The following SLC35F1 variants were observed in gnomAD, a reference collection of about 807,000 sequenced individuals.
SLC35F1 encodes the protein chromosome 6 open reading frame 169.
A neutral mutation model predicts 48.7 loss-of-function variants in SLC35F1; 14 were observed. That is an observed-to-expected ratio of 0.29 (90% confidence interval 0.19 to 0.45). SLC35F1 has a LOEUF of 0.45. Ranked by LOEUF, SLC35F1 falls within the 20% of genes least tolerant of loss-of-function variation. SLC35F1 has a pLI of 1.00. For synonymous variants in SLC35F1, 190 were observed against 202.2 expected, an observed-to-expected ratio of 0.94 and a Z score of 0.51; for missense variants, 404 against 500.0, an observed-to-expected ratio of 0.81 and a Z score of 1.83.
chr6:118,003,733 A>T (rs73521510), intron 1 of SLC35F1, among the ~76,000 whole-genome samples: 6,630 of 152,320 alleles, frequency 0.044, 507 homozygotes, highest in African/African-American at 0.15. Context: ...CTAATTTTAT[A>T]TTAATGATTT....
In SLC35F1 at chr6:117,929,492, G is replaced by T. The variant is rs370925769; in HGVS notation, c.173+21593G>T. Among the ~76,000 whole-genome samples the T allele has an allele frequency of 6.0e-4, 72 of 119,208 alleles. 1 individual carries two copies. The South Asian group carries it at 0.011, about 18-fold the overall frequency. The allele number at this position is 119,208 out of a possible 152,430, so 78.2% of individuals were successfully genotyped here. ...GTGTGTGTGTGTGTGTGTGTGTATA[G>T]AGAGAGAGAGACAGAGAGAGAGATT... On this transcript the variant is annotated intron_variant, in intron 1 of 7. Coordinates refer to ENST00000360388, the MANE Select transcript of SLC35F1 (RefSeq NM_001029858.4).
In SLC35F1 at chr6:118,131,759, T is replaced by C. The variant is rs1190107268; in HGVS notation, c.174-22686T>C. Among the ~76,000 whole-genome samples the C allele has an allele frequency of 3.1e-5, 4 of 129,270 alleles. No homozygotes were observed. In the East Asian group the frequency reaches 8.6e-4, roughly 28 times the overall value. The allele number at this position is 129,270 out of a possible 152,430, so 84.8% of individuals were successfully genotyped here. ...TTGCGTTCTGGCATTCAAAGATAGG[T>C]GAATTTACTCCATTATACTAATTAT... is the stretch of plus-strand genomic sequence containing the variant. On this transcript the variant is annotated intron_variant, in intron 1 of 7. Transcript: ENST00000360388.
intron 1 of SLC35F1, among the ~76,000 whole-genome samples, chr6:118,152,875 A>G (rs1374946397): frequency 6.6e-6 from 1 of 152,170 alleles, no homozygotes; most frequent in Non-Finnish European, 1.5e-5. Context: ...TCTGTGGGGA[A>G]CTATTGTAAG....
At chr6:118,309,886 G>T (rs959548548) in intron 7 of SLC35F1, among the ~76,000 whole-genome samples, 1 of 152,104 alleles carries the variant, frequency 6.6e-6, no homozygotes, top group African/African-American at 2.4e-5. Context: ...AAGCCACCTC[G>T]TCCTGTATAA....
At chr6:117,984,475 CAG>C (rs1776823114) in intron 1 of SLC35F1, among the ~76,000 whole-genome samples, 2 of 125,150 alleles carry the variant, frequency 1.6e-5, no homozygotes, top group Admixed American at 2.0e-4. Context: ...CTCTGGGCGA[CAG>C]AGCAAGACTC....
intron 7 of SLC35F1, among the ~76,000 whole-genome samples, chr6:118,286,849 C>T (rs973243443): frequency 6.6e-6 from 1 of 151,610 alleles, no homozygotes; most frequent in Admixed American, 6.6e-5. Flanking sequence ...ACTTCCTTCG[C>T]AAATTTCAAG....
chr6:117,923,716 T>C lies in SLC35F1; in HGVS notation c.173+15817T>C, dbSNP rs1053067572. ...GTACATATACATATATGTACATATA[T>C]ACATATATACATATGTATATATACA... On this transcript the variant is annotated intron_variant, in intron 1 of 7. Transcript: ENST00000360388. 2.2e-4 allele frequency among the ~76,000 whole-genome samples: 24 copies of C among 110,690 alleles called. 9 individuals carry two copies. The highest frequency in any genetic ancestry group is 6.8e-4 in the African/African-American group (18 of 26,392). The allele number at this position is 110,690 out of a possible 152,430, so 72.6% of individuals were successfully genotyped here.
chr6:118,049,484 C>T (rs1021624074), intron 1 of SLC35F1, among the ~76,000 whole-genome samples: 67 of 152,174 alleles, frequency 4.4e-4, no homozygotes, highest in African/African-American at 1.6e-3. Flanking sequence ...GGGCTAATAT[C>T]CAGAATCTAC....
At chr6:118,280,326 T>C (rs1229600289) in intron 6 of SLC35F1, among the ~76,000 whole-genome samples, 2 of 152,190 alleles carry the variant, frequency 1.3e-5, no homozygotes, top group African/African-American at 4.8e-5. Context: ...TGGGTCATAC[T>C]GTGCTAAAGG....
intron 1 of SLC35F1, among the ~76,000 whole-genome samples, chr6:118,130,734 G>T (rs1263913128): frequency 2.0e-5 from 3 of 151,222 alleles, no homozygotes; most frequent in Non-Finnish European, 1.5e-5. Flanking sequence ...CCACTACTTT[G>T]TATGCATGAA....
At chr6:118,115,464 G>A (rs565874727) in intron 1 of SLC35F1, among the ~76,000 whole-genome samples, 48 of 152,266 alleles carry the variant, frequency 3.2e-4, no homozygotes, top group Non-Finnish European at 5.4e-4. Flanking sequence ...AAAAATATGT[G>A]TTTTCTTAGT....
intron 1 of SLC35F1, among the ~76,000 whole-genome samples, chr6:118,086,715 G>T (rs1193992265): frequency 6.6e-6 from 1 of 152,140 alleles, no homozygotes; most frequent in Non-Finnish European, 1.5e-5. Flanking sequence ...GTTCACCGTG[G>T]TCTTTCCTCT....
At chr6:118,003,119 A>T (rs1173906131) in intron 1 of SLC35F1, among the ~76,000 whole-genome samples, 1 of 152,246 alleles carries the variant, frequency 6.6e-6, no homozygotes, top group Non-Finnish European at 1.5e-5. Context: ...GTCTTAAATT[A>T]CATCCAGAAA....
chr6:117,927,968 C>T (rs1419915735), intron 1 of SLC35F1, among the ~76,000 whole-genome samples: 1 of 152,078 alleles, frequency 6.6e-6, no homozygotes, highest in Non-Finnish European at 1.5e-5. Context: ...AGATTCTTTC[C>T]TTGAACTGTG....
At chr6:117,923,715 A>ACACATATACATATG in intron 1 of SLC35F1, among the ~76,000 whole-genome samples, 2 of 7,760 alleles carry the variant, frequency 2.6e-4, no homozygotes, top group African/African-American at 8.3e-4. Flanking sequence ...ATGTACATAT[A>ACACATATACATATG]TACATATATA....
At chr6:118,278,682 A>T (rs1162184070) in intron 6 of SLC35F1, among the ~76,000 whole-genome samples, 1 of 152,224 alleles carries the variant, frequency 6.6e-6, no homozygotes, top group Non-Finnish European at 1.5e-5. Context: ...GGGCAAGGAG[A>T]GAGAGAAGAG....
chr6:118,257,910 T>C (rs1775666273), intron 3 of SLC35F1, among the ~76,000 whole-genome samples: 2 of 152,200 alleles, frequency 1.3e-5, no homozygotes, highest in Non-Finnish European at 2.9e-5. Flanking sequence ...CCAATCTTAG[T>C]TACCTAGATT....
chr6:118,022,813 C>T (rs1311657194), intron 1 of SLC35F1, among the ~76,000 whole-genome samples: 1 of 144,376 alleles, frequency 6.9e-6, no homozygotes, highest in African/African-American at 2.6e-5. Context: ...TGCAGTGGTG[C>T]GATCTCGGCT....
At chr6:117,910,089 G>A (rs969533006) in intron 1 of SLC35F1, among the ~76,000 whole-genome samples, 1 of 152,210 alleles carries the variant, frequency 6.6e-6, no homozygotes, top group Admixed American at 6.5e-5. Context: ...AACATTTTTA[G>A]TAAGGAGACT....
Sources: gnomAD v4.1 joint callset for allele counts (sites outside exome capture counted in the v4.1 genomes callset) on GRCh38, gnomAD v4.1.1 for gene constraint, MANE v1.5 for transcripts, NCBI Gene and HGNC (gene_info 2026-07-23, HGNC 2026-07-21) for gene names.